The following SLC7A7 variants were observed in gnomAD, a reference collection of about 807,000 sequenced individuals.
SLC7A7 encodes Y+L amino acid transporter 1.
In SLC7A7, 39 loss-of-function variants were observed where a neutral mutation model predicts 47.9. The observed-to-expected ratio is 0.81, with a 90% CI of 0.63 to 1.06. The LOEUF (loss-of-function observed/expected upper bound fraction) is 1.06, where lower values mean the gene tolerates loss of function less well. Ranked by LOEUF, SLC7A7 falls within the 50% of genes least tolerant of loss-of-function variation. SLC7A7 has a pLI of 0.00. For missense variants in SLC7A7, 588 were observed against 632.0 expected, an observed-to-expected ratio of 0.93 and a Z score of 0.75; for synonymous variants, 234 against 242.8, an observed-to-expected ratio of 0.96 and a Z score of 0.34.
intron 3 of SLC7A7, among the ~76,000 whole-genome samples, chr14:22,779,436 T>C (rs2038674835): frequency 6.6e-6 from 1 of 151,118 alleles, no homozygotes. Flanking sequence ...GGTAGCAACT[T>C]GGGCAAGATA....
intron 2 of SLC7A7, among the ~76,000 whole-genome samples, chr14:22,795,534 G>A (rs902052554): frequency 6.6e-6 from 1 of 150,554 alleles, no homozygotes; most frequent in South Asian, 2.1e-4. Context: ...GAGTGCAGTG[G>A]TGCAATCTCG....
rs1225167766 is a variant in SLC7A7 at position 22,813,098 on chromosome 14, C to T, written c.301G>A (p.Gly101Arg). Residue 101 changes from glycine (G) to arginine (R), a missense_variant, in exon 2 of 10, where the codon GGG becomes AGG. Transcript: ENST00000674313. The stretch of plus-strand genomic sequence containing the variant: ...TCCAGGATATAGGCATAGCTGGCCC[C>T]AGATTTCTTAATGGTGGTGCCCAGT... ...AELGTTIKKSGASYAYILEAF... is the reference protein window; with the variant it reads ...AELGTTIKKSRASYAYILEAF... 1.2e-6 allele frequency: 2 copies of T among 1,614,050 alleles called. No homozygotes were observed. The highest frequency in any genetic ancestry group is 1.3e-5 in the African/African-American group (1 of 74,894).
intron 2 of SLC7A7, among the ~76,000 whole-genome samples, chr14:22,794,641 T>A (rs1196079016): frequency 6.6e-6 from 1 of 152,132 alleles, no homozygotes; most frequent in Non-Finnish European, 1.5e-5. Flanking sequence ...AATCTGAGGA[T>A]CTGCTTCTCT....
chr14:22,784,614 C>T (rs1222650004), intron 2 of SLC7A7, among the ~76,000 whole-genome samples: 8 of 149,704 alleles, frequency 5.3e-5, no homozygotes, highest in South Asian at 2.1e-4. Flanking sequence ...AAGACTCCAT[C>T]TCAAAAAAAA....
intron 2 of SLC7A7, among the ~76,000 whole-genome samples, chr14:22,783,539 TAC>T (rs2038759099): frequency 6.6e-6 from 1 of 151,970 alleles, no homozygotes; most frequent in African/African-American, 2.4e-5. Flanking sequence ...TAGCTAGAAT[TAC>T]AGACATTCAA....
chr14:22,778,520 A>G (rs1216936532), intron 4 of SLC7A7, among the ~76,000 whole-genome samples: 2 of 152,356 alleles, frequency 1.3e-5, no homozygotes, highest in African/African-American at 2.4e-5. Context: ...ACATAAGCAT[A>G]TAATACAACC....
Position 22,776,269 on chromosome 14 carries a change from A to T in SLC7A7, c.820T>A (p.Tyr274Asn), listed in dbSNP as rs2038604977. 2 of 1,614,108 alleles carry T rather than the reference A, an allele frequency of 1.2e-6. No homozygotes were observed. The highest frequency in any genetic ancestry group is 1.3e-5 in the African/African-American group (1 of 74,940). ...TAATAGGCCACATTGGTCAAGATAT[A>T]GATGATGGTGACAATGGGCATGGAG... ...GISMPIVTII[Y>N]ILTNVAYYTV... The change falls in exon 5 of 10, where the codon TAT (tyrosine) becomes AAT (asparagine). Residue 274 changes from tyrosine (Y) to asparagine (N), a missense_variant. Tyr to Asn is a moderately radical substitution (Grantham distance 143, BLOSUM62 -2). Transcript: ENST00000674313.
intron 2 of SLC7A7, among the ~76,000 whole-genome samples, chr14:22,781,544 C>T (rs1052973132): frequency 2.0e-5 from 3 of 152,178 alleles, no homozygotes; most frequent in Admixed American, 2.0e-4. Context: ...GTACCCACAG[C>T]TCCAGGCCAC....
chr14:22,788,482 A>T (rs1207264357), intron 2 of SLC7A7, among the ~76,000 whole-genome samples: 7 of 152,148 alleles, frequency 4.6e-5, no homozygotes, highest in Admixed American at 4.6e-4. Context: ...AGGCGGGCAG[A>T]TCACAAAGTC....
chr14:22,776,020 T>C, intron 5 of SLC7A7, 84 bp from the exon 6 acceptor site: 1 of 1,414,256 alleles, frequency 7.1e-7, no homozygotes, highest in Non-Finnish European at 1.0e-6. Flanking sequence ...ATTCCCCTTA[T>C]TAGGTATTCC....
chr14:22,807,043 T>G lies in SLC7A7; in HGVS notation c.499+5857A>C, dbSNP rs565001893. On this transcript the variant is annotated intron_variant, in intron 2 of 9. Transcript: ENST00000674313. Reference sequence around the variant, plus strand: ...CTCCCAAGTAGCTGGGACTACAGGCTCCTGCCACCATGCCCGGCTAATTTT... The same window carrying G: ...CTCCCAAGTAGCTGGGACTACAGGCGCCTGCCACCATGCCCGGCTAATTTT... 2.2e-3 allele frequency among the ~76,000 whole-genome samples: 338 copies of G among 151,960 alleles called. 2 individuals carry two copies. The highest frequency in any genetic ancestry group is 6.0e-3 in the African/African-American group (248 of 41,444).
rs397852982 is a variant in SLC7A7, at chr14:22,806,895, C to CTTT, written c.499+6002_499+6004dup. Among the ~76,000 whole-genome samples the CTTT allele has an allele frequency of 3.6e-4, 45 of 123,592 alleles. 2 individuals carry two copies. The highest frequency in any genetic ancestry group is 5.3e-4 in the African/African-American group (17 of 32,304). 81.1% of individuals were successfully genotyped at this position (123,592 alleles called of 152,430 possible). Reference sequence around the variant, plus strand: ...AAAGTCCTTGAAAGTCCACTGTTAACTTTTTTTTTTTTTTTTTTTTGAGAC... The same window carrying CTTT: ...AAAGTCCTTGAAAGTCCACTGTTAACTTTTTTTTTTTTTTTTTTTTTTTGAGAC... On this transcript the variant is annotated intron_variant, in intron 2 of 9. Transcript: ENST00000674313.
intron 2 of SLC7A7, among the ~76,000 whole-genome samples, chr14:22,788,004 C>T (rs553273358): frequency 1.1e-4 from 16 of 151,328 alleles, no homozygotes; most frequent in South Asian, 2.1e-4. Context: ...ACCCGGGAGG[C>T]GGCGGTTGCA....
chr14:22,786,379 C>T (rs2038818071), intron 2 of SLC7A7, among the ~76,000 whole-genome samples: 1 of 152,130 alleles, frequency 6.6e-6, no homozygotes. Flanking sequence ...GGCTAAAACC[C>T]AGATTTTACA....
chr14:22,814,551 G>T (rs1452021627), intron 1 of SLC7A7: 2 of 151,964 alleles, frequency 1.3e-5, no homozygotes, highest in Non-Finnish European at 2.9e-5. Flanking sequence ...TATAATACAA[G>T]ACAGGCATGG....
At chr14:22,795,381 G>GCTTTCTTTCTTT (rs1491096172) in intron 2 of SLC7A7, among the ~76,000 whole-genome samples, 1 of 5,104 alleles carries the variant, frequency 2.0e-4, no homozygotes, top group African/African-American at 2.1e-4. Flanking sequence ...AGTATTGCTT[G>GCTTTCTTTCTTT]CTTGCTTTCT....
intron 2 of SLC7A7, among the ~76,000 whole-genome samples, chr14:22,806,056 G>A (rs1344365247): frequency 2.1e-5 from 3 of 141,490 alleles, no homozygotes; most frequent in Admixed American, 7.3e-5. Flanking sequence ...CAGGAGAATC[G>A]CTTGAAGCTG....
intron 2 of SLC7A7, among the ~76,000 whole-genome samples, chr14:22,789,961 A>G (rs893421699): frequency 6.6e-6 from 1 of 152,198 alleles, no homozygotes; most frequent in Non-Finnish European, 1.5e-5. Flanking sequence ...TCTGACCTCC[A>G]GAATTATGAG....
At chr14:22,774,591 C>T in intron 7 of SLC7A7, 88 bp from the exon 8 acceptor site, 1 of 1,551,292 alleles carries the variant, frequency 6.4e-7, no homozygotes, top group Non-Finnish European at 8.9e-7. Context: ...AAATCCATCC[C>T]CTGTCAATCC....
Sources: allele counts gnomAD v4.1 joint callset (sites outside exome capture counted in the v4.1 genomes callset), GRCh38; gene constraint gnomAD v4.1.1; transcripts MANE v1.5; gene names NCBI Gene and HGNC (gene_info 2026-07-23, HGNC 2026-07-21).